Variants in EPHA3 observed in about 807,000 individuals in gnomAD.
EPHA3 encodes the protein EPH receptor A3.
A neutral mutation model predicts 107.1 loss-of-function variants in EPHA3; 42 were observed. The ratio of observed to expected loss-of-function variants is 0.39; its 90% confidence interval spans 0.31 to 0.51. The LOEUF is 0.51. Ranked by LOEUF, EPHA3 falls within the 20% of genes least tolerant of loss-of-function variation. The pLI is 0.78. For synonymous variants in EPHA3, 461 were observed against 424.8 expected, an observed-to-expected ratio of 1.09 and a Z score of -1.05; for missense variants, 1,183 against 1,211.2, an observed-to-expected ratio of 0.98 and a Z score of 0.35.
intron 5 of EPHA3, among the ~76,000 whole-genome samples, chr3:89,356,940 T>C (rs1187829284): frequency 2.0e-5 from 3 of 148,724 alleles, no homozygotes; most frequent in African/African-American, 7.4e-5. Context: ...CTGTCTCTAC[T>C]GAAAATACAA....
intron 15 of EPHA3, among the ~76,000 whole-genome samples, chr3:89,469,375 C>T (rs1264159330): frequency 6.6e-6 from 1 of 152,096 alleles, no homozygotes; most frequent in Non-Finnish European, 1.5e-5. Context: ...TAAAACTGCA[C>T]TAAAATGTGA....
chr3:89,346,677 C>T (rs1559656607), intron 5 of EPHA3, among the ~76,000 whole-genome samples: 2 of 151,088 alleles, frequency 1.3e-5, no homozygotes, highest in Admixed American at 6.6e-5. Flanking sequence ...GGTGTTTAGA[C>T]ATGAAGTCCT....
At chr3:89,445,123 A>G (rs544244517) in intron 13 of EPHA3, among the ~76,000 whole-genome samples, 16 of 152,224 alleles carry the variant, frequency 1.1e-4, no homozygotes, top group Non-Finnish European at 2.2e-4. Context: ...AATATTAGCC[A>G]GGCTTGGTGG....
At chr3:89,325,933 A>G (rs1707155810) in intron 3 of EPHA3, among the ~76,000 whole-genome samples, 2 of 151,210 alleles carry the variant, frequency 1.3e-5, no homozygotes, top group Non-Finnish European at 3.0e-5. Flanking sequence ...AAGATATTAT[A>G]CATATTAAGA....
intron 10 of EPHA3, among the ~76,000 whole-genome samples, chr3:89,419,001 C>T (rs1709303417): frequency 6.6e-6 from 1 of 151,274 alleles, no homozygotes; most frequent in Non-Finnish European, 1.5e-5. Flanking sequence ...GTTCATTTTC[C>T]AACAGGGGGT....
At chr3:89,406,986 G>A (rs1014637471) in intron 7 of EPHA3, among the ~76,000 whole-genome samples, 4 of 152,128 alleles carry the variant, frequency 2.6e-5, no homozygotes, top group African/African-American at 4.8e-5. Context: ...ACCCAGTACA[G>A]CATATTTTGG....
At chr3:89,231,006 T>C (rs1704620352) in intron 3 of EPHA3, among the ~76,000 whole-genome samples, 1 of 152,154 alleles carries the variant, frequency 6.6e-6, no homozygotes, top group Admixed American at 6.6e-5. Flanking sequence ...ATGTTTATTC[T>C]GAATAAAAGC....
intron 7 of EPHA3, among the ~76,000 whole-genome samples, chr3:89,407,044 A>G (rs1325927274): frequency 6.6e-6 from 1 of 152,182 alleles, no homozygotes; most frequent in Admixed American, 6.5e-5. Context: ...GAAACAAAGT[A>G]TGTACCCATA....
intron 2 of EPHA3, among the ~76,000 whole-genome samples, chr3:89,169,967 G>A (rs1305831932): frequency 6.6e-6 from 1 of 152,062 alleles, no homozygotes; most frequent in Admixed American, 6.5e-5. Context: ...TTATAGCCTC[G>A]GCGGGGCGCG....
At chr3:89,392,681 T>A (rs1708769375) in intron 5 of EPHA3, among the ~76,000 whole-genome samples, 3 of 152,136 alleles carry the variant, frequency 2.0e-5, no homozygotes, top group Non-Finnish European at 4.4e-5. Context: ...AATAAATCTG[T>A]CATACAGTGT....
chr3:89,331,698 A>G (rs1386879633), intron 3 of EPHA3, among the ~76,000 whole-genome samples: 1 of 152,142 alleles, frequency 6.6e-6, no homozygotes, highest in East Asian at 1.9e-4. Context: ...AATTCAATTT[A>G]TGGTGGTAAT....
intron 3 of EPHA3, among the ~76,000 whole-genome samples, chr3:89,308,217 T>C (rs1163141154): frequency 6.6e-6 from 1 of 151,788 alleles, no homozygotes; most frequent in African/African-American, 2.4e-5. Flanking sequence ...TGTAGAAGAG[T>C]ACGAAAAAAT....
chr3:89,129,921 C>T (rs368002813), intron 2 of EPHA3, among the ~76,000 whole-genome samples: 1 of 152,096 alleles, frequency 6.6e-6, no homozygotes, highest in African/African-American at 2.4e-5. Flanking sequence ...ACTGGCAGTA[C>T]ATCTGACTGG....
At chr3:89,226,703 TA>T (rs1704511246) in intron 3 of EPHA3, among the ~76,000 whole-genome samples, 1 of 152,116 alleles carries the variant, frequency 6.6e-6, no homozygotes, top group South Asian at 2.1e-4. Flanking sequence ...TTGTTTCTTT[TA>T]AAACAAGGCA....
intron 11 of EPHA3, among the ~76,000 whole-genome samples, chr3:89,420,171 C>T (rs1370708233): frequency 6.6e-6 from 1 of 151,424 alleles, no homozygotes; most frequent in Non-Finnish European, 1.5e-5. Context: ...TGGCAGCAAA[C>T]TTTTTAGAGT....
At chr3:89,108,307 A>T (rs1372479044) in intron 1 of EPHA3, among the ~76,000 whole-genome samples, 2 of 152,064 alleles carry the variant, frequency 1.3e-5, no homozygotes, top group Non-Finnish European at 2.9e-5. Flanking sequence ...GAATGGACTA[A>T]AGGGAAATCA....
chr3:89,142,042 ACT>A (rs1194261373), intron 2 of EPHA3, among the ~76,000 whole-genome samples: 2 of 151,302 alleles, frequency 1.3e-5, no homozygotes, highest in Non-Finnish European at 3.0e-5. Context: ...TAAAAATAAA[ACT>A]TTTTTCTAAA....
At chr3:89,403,990 G>C (rs1229173144) in intron 7 of EPHA3, among the ~76,000 whole-genome samples, 1 of 152,154 alleles carries the variant, frequency 6.6e-6, no homozygotes, top group African/African-American at 2.4e-5. Context: ...ATAACAATCT[G>C]TGGAATAAAG....
At chr3:89,149,133 A>G (rs1704635276) in intron 2 of EPHA3, among the ~76,000 whole-genome samples, 1 of 151,996 alleles carries the variant, frequency 6.6e-6, no homozygotes, top group South Asian at 2.1e-4. Flanking sequence ...ATAAAATATT[A>G]TATGGTTCAA....
Sources: gnomAD v4.1 joint callset for allele counts (sites outside exome capture counted in the v4.1 genomes callset) on GRCh38, gnomAD v4.1.1 for gene constraint, MANE v1.5 for transcripts, NCBI Gene and HGNC (gene_info 2026-07-23, HGNC 2026-07-21) for gene names.